ELP4: variants seen among roughly 807,000 people sequenced by gnomAD.
ELP4 encodes the protein elongator complex protein 4.
In ELP4, 51 loss-of-function variants were observed where a neutral mutation model predicts 48.9. The observed-to-expected ratio is 1.04, with a 90% CI of 0.83 to 1.32. The LOEUF is 1.32. Ranked by LOEUF, ELP4 falls within the 40% of genes most tolerant of loss-of-function variation. The pLI is 0.00. For missense variants in ELP4, 519 were observed against 514.6 expected, an observed-to-expected ratio of 1.01 and a Z score of -0.08; for synonymous variants, 210 against 189.2, an observed-to-expected ratio of 1.11 and a Z score of -0.90.
intron 2 of ELP4, among the ~76,000 whole-genome samples, chr11:31,526,879 GA>G (rs912171538): frequency 2.6e-5 from 4 of 151,774 alleles, no homozygotes; most frequent in East Asian, 1.9e-4. Flanking sequence ...AAAACAAGGG[GA>G]AAAAAATCTT....
chr11:31,602,522 G>T (rs1401364150), intron 4 of ELP4, among the ~76,000 whole-genome samples: 1 of 151,888 alleles, frequency 6.6e-6, no homozygotes, highest in South Asian at 2.1e-4. Flanking sequence ...ATGGAGGGAT[G>T]AACGGTCATT....
At chr11:31,745,174 A>T (rs1947555693) in intron 9 of ELP4, among the ~76,000 whole-genome samples, 1 of 152,188 alleles carries the variant, frequency 6.6e-6, no homozygotes, top group Non-Finnish European at 1.5e-5. Context: ...CTAGGAATCC[A>T]ACTTACAAGG....
chr11:31,515,569 A>T (rs1031889642), intron 1 of ELP4, among the ~76,000 whole-genome samples: 1 of 152,120 alleles, frequency 6.6e-6, no homozygotes, highest in Non-Finnish European at 1.5e-5. Context: ...AGAGGCTGAG[A>T]TGGGAGGACC....
At chr11:31,774,477 T>G (rs550553614) in intron 9 of ELP4, among the ~76,000 whole-genome samples, 1 of 152,332 alleles carries the variant, frequency 6.6e-6, no homozygotes, top group East Asian at 1.9e-4. Context: ...TCAGTTTAGC[T>G]TGTGGGCTGC....
chr11:31,789,564 A>G lies in ELP4; in HGVS notation c.*6040A>G, dbSNP rs1949090952. On this transcript the variant is annotated 3_prime_UTR_variant, in exon 10 of 10. Coordinates refer to ENST00000640961, the MANE Select transcript of ELP4 (RefSeq NM_019040.5). Reference sequence around the variant, plus strand: ...AAATTCGTGGCAAAGCTTGTTGATCATGGTTTTCTTTTTAAAAAAAAAAAA... The same window carrying G: ...AAATTCGTGGCAAAGCTTGTTGATCGTGGTTTTCTTTTTAAAAAAAAAAAA... 6.6e-6 allele frequency: 4 copies of G among 604,010 alleles called. No individual in the cohort carries two copies. The highest frequency in any genetic ancestry group is 3.1e-5 in the Admixed American group (1 of 32,536). 37.4% of individuals were successfully genotyped at this position (604,010 alleles called of 1,614,324 possible). A position where few individuals can be genotyped will look rare whatever the true frequency, so the allele number is the denominator to read the frequency against.
intron 6 of ELP4, chr11:31,628,371 T>C (rs1252636657): frequency 6.6e-6 from 1 of 151,204 alleles, no homozygotes; most frequent in African/African-American, 2.4e-5. Flanking sequence ...AGGATGATGA[T>C]GACACATCTT....
At chr11:31,598,681 T>C (rs754943497) in intron 4 of ELP4, among the ~76,000 whole-genome samples, 12 of 151,742 alleles carry the variant, frequency 7.9e-5, no homozygotes, top group Non-Finnish European at 1.5e-4. Flanking sequence ...TATTGTTTAA[T>C]ATTTTTGTAG....
chr11:31,664,071 G>A (rs1328800188), intron 9 of ELP4: 1 of 152,048 alleles, frequency 6.6e-6, no homozygotes, highest in Non-Finnish European at 1.5e-5. Context: ...TAAAAATGTT[G>A]TAAAAATACT....
chr11:31,751,089 T>G (rs1263880203), intron 9 of ELP4, among the ~76,000 whole-genome samples: 2 of 152,188 alleles, frequency 1.3e-5, no homozygotes, highest in Admixed American at 1.3e-4. Context: ...TGTGAGAGGA[T>G]TAAGTCCTAG....
At chr11:31,708,618 A>G (rs1050819316) in intron 9 of ELP4, among the ~76,000 whole-genome samples, 2 of 152,142 alleles carry the variant, frequency 1.3e-5, no homozygotes, top group African/African-American at 4.8e-5. Context: ...GGTGCTTGTT[A>G]AGCTCTGATT....
chr11:31,528,880 G>A (rs1956344129), intron 2 of ELP4, among the ~76,000 whole-genome samples: 1 of 152,014 alleles, frequency 6.6e-6, no homozygotes, highest in Admixed American at 6.6e-5. Flanking sequence ...AAAAGATTTA[G>A]GATTTTTCAA....
At chr11:31,548,207 C>T (rs1203239645) in intron 3 of ELP4, among the ~76,000 whole-genome samples, 2 of 152,204 alleles carry the variant, frequency 1.3e-5, no homozygotes, top group Non-Finnish European at 2.9e-5. Flanking sequence ...TCCCTGTTTA[C>T]AGATGACGTG....
intron 3 of ELP4, among the ~76,000 whole-genome samples, chr11:31,549,453 G>T (rs1357088610): frequency 6.6e-6 from 1 of 152,082 alleles, no homozygotes; most frequent in Non-Finnish European, 1.5e-5. Context: ...TCTCACACCA[G>T]TTAGAATGGC....
rs141949788 is a variant in ELP4, at chr11:31,580,622, C to T, written c.382-14148C>T. On this transcript the variant is annotated intron_variant, in intron 3 of 9. Coordinates refer to ENST00000640961, the MANE Select transcript of ELP4 (RefSeq NM_019040.5). ...TCTCGCACACGCTGTCTCTCTTGCTCTCTCTCTTGCGTTTTCTCCTTCCCT... is the reference window on the plus strand; with the variant it reads ...TCTCGCACACGCTGTCTCTCTTGCTTTCTCTCTTGCGTTTTCTCCTTCCCT... 1,187 of 153,148 alleles carry T rather than the reference C, an allele frequency of 7.8e-3. 12 individuals carry two copies. The highest frequency in any genetic ancestry group is 0.02 in the South Asian group (97 of 4,828). 9.5% of individuals were successfully genotyped at this position (153,148 alleles called of 1,614,324 possible). A position where few individuals can be genotyped will look rare whatever the true frequency, so the allele number is the denominator to read the frequency against.
At chr11:31,576,572 A>G (rs1215134792) in intron 3 of ELP4, among the ~76,000 whole-genome samples, 1 of 152,186 alleles carries the variant, frequency 6.6e-6, no homozygotes, top group Non-Finnish European at 1.5e-5. Flanking sequence ...GTAAAAGAAC[A>G]TAAATTATAA....
chr11:31,665,655 C>CTTT (rs71060496), intron 9 of ELP4, among the ~76,000 whole-genome samples: 65 of 79,658 alleles, frequency 8.2e-4, no homozygotes, highest in East Asian at 1.1e-3. Flanking sequence ...GTCTCTCTTC[C>CTTT]TTTTTTTTTT....
intron 5 of ELP4, among the ~76,000 whole-genome samples, chr11:31,618,510 T>A (rs1944544161): frequency 6.6e-6 from 1 of 152,076 alleles, no homozygotes; most frequent in Admixed American, 6.6e-5. Context: ...ATCCTGCCCA[T>A]GATGGTGGAG....
chr11:31,534,266 G>GGTGTGTGT (rs61054150), intron 2 of ELP4, among the ~76,000 whole-genome samples: 12,875 of 148,172 alleles, frequency 0.087, 1,502 homozygotes, highest in African/African-American at 0.26. Flanking sequence ...GAGGTGGATT[G>GGTGTGTGT]GTGTGTGTGT....
chr11:31,666,413 G>A lies in ELP4; in HGVS notation c.1143+16192G>A, dbSNP rs1945676225. 2.6e-5 allele frequency among the ~76,000 whole-genome samples: 4 copies of A among 152,026 alleles called. No individual in the cohort carries two copies. In the South Asian group the frequency reaches 8.3e-4, roughly 32 times the overall value. On this transcript the variant is annotated intron_variant, in intron 9 of 9. Transcript: ENST00000640961. ...GTTTTAATAAAGATTCCTTTTGTAG[G>A]CTGGGTGCAGTCGCTCACGCCTGTA... is the stretch of plus-strand genomic sequence containing the variant.
Sources: gnomAD v4.1 joint callset for allele counts (sites outside exome capture counted in the v4.1 genomes callset) on GRCh38, gnomAD v4.1.1 for gene constraint, MANE v1.5 for transcripts, NCBI Gene and HGNC (gene_info 2026-07-23, HGNC 2026-07-21) for gene names.